Variants in AAMDC observed in about 807,000 individuals in gnomAD.
AAMDC encodes the protein adipogenesis associated Mth938 domain containing.
Under a neutral mutation model 15.5 loss-of-function variants are expected in AAMDC, and 16 were observed. The ratio of observed to expected loss-of-function variants is 1.03; its 90% CI spans 0.70 to 1.57. The LOEUF is 1.57. AAMDC is among the 40% of genes most tolerant of loss of function. The pLI is 0.00. For synonymous variants in AAMDC, 51 were observed against 51.6 expected, an observed-to-expected ratio of 0.99 and a Z score of 0.05; for missense variants, 141 against 144.9, an observed-to-expected ratio of 0.97 and a Z score of 0.14.
At chr11:77,882,237 G>A (rs1022614621) in intron 5 of AAMDC, among the ~76,000 whole-genome samples, 13 of 152,072 alleles carry the variant, frequency 8.5e-5, no homozygotes, top group African/African-American at 3.1e-4. Flanking sequence ...AAATTATTCA[G>A]GCTCAGGATC....
chr11:77,849,627 G>A (rs1950290526), intron 2 of AAMDC, among the ~76,000 whole-genome samples: 1 of 152,090 alleles, frequency 6.6e-6, no homozygotes, highest in Admixed American at 6.6e-5. Flanking sequence ...CCAAAGTGCT[G>A]GATCTGTTTT....
At chr11:77,877,913 A>C (rs1951643503) in intron 5 of AAMDC, among the ~76,000 whole-genome samples, 1 of 152,206 alleles carries the variant, frequency 6.6e-6, no homozygotes, top group South Asian at 2.1e-4. Context: ...ACTCACATGC[A>C]GCATCAACTC....
chr11:77,828,670 G>GAAAA (rs34504909), intron 1 of AAMDC, among the ~76,000 whole-genome samples: 1 of 83,928 alleles, frequency 1.2e-5, no homozygotes. Context: ...ACTCCATCTC[G>GAAAA]AAAAAAAAAA....
intron 1 of AAMDC, among the ~76,000 whole-genome samples, chr11:77,841,793 C>T (rs768194845): frequency 1.3e-5 from 2 of 152,166 alleles, no homozygotes; most frequent in Non-Finnish European, 2.9e-5. Context: ...TTTGCCAATC[C>T]ATAGCTTGCC....
chr11:77,892,805 G>T (rs1397910706), intron 5 of AAMDC, among the ~76,000 whole-genome samples: 2 of 152,038 alleles, frequency 1.3e-5, no homozygotes, highest in Non-Finnish European at 2.9e-5. Flanking sequence ...GGCTGGTCTC[G>T]AACTCCTGAC....
chr11:77,852,654 C>T (rs1950446565), intron 2 of AAMDC, among the ~76,000 whole-genome samples: 2 of 152,190 alleles, frequency 1.3e-5, no homozygotes, highest in Admixed American at 1.3e-4. Flanking sequence ...ATCACATTCC[C>T]ACCTCACTCC....
intron 2 of AAMDC, among the ~76,000 whole-genome samples, chr11:77,849,936 T>C (rs1950304358): frequency 1.3e-5 from 2 of 152,228 alleles, no homozygotes; most frequent in Non-Finnish European, 1.5e-5. Context: ...GCCTCTATTA[T>C]AGCACTTAGC....
At chr11:77,882,085 T>A (rs978939472) in intron 5 of AAMDC, among the ~76,000 whole-genome samples, 3 of 152,088 alleles carry the variant, frequency 2.0e-5, no homozygotes, top group African/African-American at 4.8e-5. Context: ...TTAACTTTTT[T>A]ATATATCTAT....
chr11:77,842,648 T>C lies in AAMDC; in HGVS notation c.132+20T>C. The C allele has an allele frequency of 1.2e-6, 2 of 1,612,978 alleles. No individual in the cohort carries two copies. The highest frequency in any genetic ancestry group is 1.7e-6 in the Non-Finnish European group (2 of 1,179,712). On this transcript the variant is annotated intron_variant, in intron 2 of 3. Transcript: ENST00000393427. ...ACTGAGGTAAGATATTAGTCTTTGG[T>C]TGATACTACATGAGGCTGACCAAGT...
downstream of AAMDC, chr11:77,903,556 G>A: frequency 6.2e-7 from 1 of 1,613,856 alleles, no homozygotes; most frequent in South Asian, 1.1e-5. Flanking sequence ...CGCTGCTGCT[G>A]AGGCCAAATC....
At chr11:77,881,095 AAAC>A (rs1358137743) in intron 5 of AAMDC, among the ~76,000 whole-genome samples, 1 of 152,158 alleles carries the variant, frequency 6.6e-6, no homozygotes. Context: ...AGAAGAGAGA[AAAC>A]AAGAAGGAGG....
At chr11:77,827,063 C>T (rs1949210663) in intron 1 of AAMDC, among the ~76,000 whole-genome samples, 1 of 152,030 alleles carries the variant, frequency 6.6e-6, no homozygotes, top group African/African-American at 2.4e-5. Context: ...TGAGATGGGG[C>T]CACTGCACTT....
intron 2 of AAMDC, among the ~76,000 whole-genome samples, chr11:77,869,501 C>CA (rs944608543): frequency 1.7e-5 from 2 of 120,362 alleles, no homozygotes; most frequent in African/African-American, 7.0e-5. Context: ...TTTGTAGAGA[C>CA]ACGGTCGGTC....
chr11:77,885,067 ATTTCTT>A (rs576256817), intron 5 of AAMDC, among the ~76,000 whole-genome samples: 76 of 151,542 alleles, frequency 5.0e-4, no homozygotes, highest in Middle Eastern at 6.8e-3. Flanking sequence ...GCCTACCCTT[ATTTCTT>A]TTTCTTTTTC....
Position 77,891,271 on chromosome 11 carries a change from A to G in AAMDC, c.329-9300A>G, listed in dbSNP as rs73499843. On this transcript the variant is annotated intron_variant, in intron 5 of 5. Coordinates refer to the AAMDC transcript ENST00000304716. Reference sequence around the variant, plus strand: ...CAGGGGTGCTAACATTAAATACTTCAACACAATGTCAGTCTAGAAGCTCCA... The same window carrying G: ...CAGGGGTGCTAACATTAAATACTTCGACACAATGTCAGTCTAGAAGCTCCA... 3.6e-4 allele frequency: 568 copies of G among 1,581,158 alleles called. 3 individuals carry two copies. In the African/African-American group the frequency reaches 6.3e-3, roughly 18 times the overall value.
Position 77,891,724 on chromosome 11 carries a change from A to G in AAMDC, c.329-8847A>G, listed in dbSNP as rs376569083. 1.6e-5 allele frequency: 26 copies of G among 1,611,900 alleles called. No individual in the cohort carries two copies. In the African/African-American group the frequency reaches 3.5e-4, roughly 22 times the overall value. The stretch of plus-strand genomic sequence containing the variant: ...ATGCAGAAAGGCACTCTGTCGCAGC[A>G]TGGTCTGTAGAATTTTGACCACTTC... On this transcript the variant is annotated intron_variant, in intron 5 of 5. Coordinates refer to the AAMDC transcript ENST00000304716.
At chr11:77,889,824 A>T (rs949398432) in intron 5 of AAMDC, among the ~76,000 whole-genome samples, 1 of 152,202 alleles carries the variant, frequency 6.6e-6, no homozygotes, top group Non-Finnish European at 1.5e-5. Flanking sequence ...TAAAAGGTTT[A>T]GCCTTGCGTG....
At chr11:77,889,838 T>C (rs1404514819) in intron 5 of AAMDC, among the ~76,000 whole-genome samples, 1 of 152,160 alleles carries the variant, frequency 6.6e-6, no homozygotes, top group African/African-American at 2.4e-5. Context: ...TTGCGTGTGG[T>C]AGAGGTGCTA....
chr11:77,905,532 C>T (rs11605955), downstream of AAMDC, among the ~76,000 whole-genome samples: 28,246 of 151,818 alleles, frequency 0.19, 2,700 homozygotes, highest in Middle Eastern at 0.24. Context: ...AATCTGACTC[C>T]ATGAAAGTGC....
Sources: gnomAD v4.1 joint callset for allele counts (sites outside exome capture counted in the v4.1 genomes callset) on GRCh38, gnomAD v4.1.1 for gene constraint, MANE v1.5 for transcripts, NCBI Gene and HGNC (gene_info 2026-07-23, HGNC 2026-07-21) for gene names.